The following DNM1L variants were observed in gnomAD, a reference collection of about 807,000 sequenced individuals.
DNM1L encodes dynamin-1-like protein.
A neutral mutation model predicts 92.8 loss-of-function variants in DNM1L; 33 were observed. That is an observed-to-expected ratio of 0.36 (90% CI 0.27 to 0.48). The LOEUF (loss-of-function observed/expected upper bound fraction) is 0.48, where lower values mean the gene tolerates loss of function less well. Among genes scored for constraint, DNM1L ranks in the 20% least tolerant of loss-of-function variants. The pLI is 0.99. For missense variants in DNM1L, 485 were observed against 888.8 expected, an observed-to-expected ratio of 0.55 and a Z score of 5.78; for synonymous variants, 284 against 305.0, an observed-to-expected ratio of 0.93 and a Z score of 0.72.
At chr12:32,720,434 C>G (rs1387347416) in intron 7 of DNM1L, among the ~76,000 whole-genome samples, 2 of 152,168 alleles carry the variant, frequency 1.3e-5, no homozygotes, top group Non-Finnish European at 2.9e-5. Context: ...TCACTTAGTT[C>G]AAGTCTTGGC....
At chr12:32,725,094 T>G (rs1268215606) in intron 9 of DNM1L, among the ~76,000 whole-genome samples, 1 of 152,136 alleles carries the variant, frequency 6.6e-6, no homozygotes, top group Non-Finnish European at 1.5e-5. Flanking sequence ...CTTCTTCTTT[T>G]TTTTTACACT....
chr12:32,712,429 T>G (rs1269213355), intron 5 of DNM1L, among the ~76,000 whole-genome samples: 2 of 152,114 alleles, frequency 1.3e-5, no homozygotes, highest in African/African-American at 4.8e-5. Flanking sequence ...GTCAGTTGTC[T>G]CAGTGAAGTT....
chr12:32,716,354 A>G (rs1953365648), intron 6 of DNM1L, among the ~76,000 whole-genome samples: 1 of 152,038 alleles, frequency 6.6e-6, no homozygotes, highest in South Asian at 2.1e-4. Context: ...TTGTTTATTG[A>G]GACAGGGTCT....
intron 6 of DNM1L, among the ~76,000 whole-genome samples, chr12:32,717,615 G>T (rs1271580021): frequency 2.0e-5 from 2 of 100,058 alleles, no homozygotes; most frequent in East Asian, 5.4e-4. Context: ...ATATACCTAG[G>T]TAGATATATA....
chr12:32,714,825 TA>T (rs71068333), intron 6 of DNM1L, among the ~76,000 whole-genome samples: 158 of 142,172 alleles, frequency 1.1e-3, no homozygotes, highest in African/African-American at 2.7e-3. Flanking sequence ...CCATCTCTAT[TA>T]AAAAAAAAAA....
At chr12:32,726,010 C>T (rs1314017609) in intron 9 of DNM1L, among the ~76,000 whole-genome samples, 2 of 151,506 alleles carry the variant, frequency 1.3e-5, no homozygotes, top group East Asian at 3.9e-4. Context: ...AGACTTAACC[C>T]TATTCAACAA....
chr12:32,729,435 G>A (rs1954394066), intron 9 of DNM1L, among the ~76,000 whole-genome samples: 1 of 152,002 alleles, frequency 6.6e-6, no homozygotes, highest in African/African-American at 2.4e-5. Flanking sequence ...TCCAGCCCTG[G>A]TAACCTCTAA....
chr12:32,720,844 G>A (rs765849314), intron 8 of DNM1L, 49 bp downstream of exon 8: 1 of 1,607,816 alleles, frequency 6.2e-7, no homozygotes, highest in African/African-American at 1.3e-5. Flanking sequence ...TTTACCAATT[G>A]GTGTCTGAGA....
chr12:32,707,159 AC>A, intron 2 of DNM1L: 3 of 482,254 alleles, frequency 6.2e-6, no homozygotes, highest in Admixed American at 7.6e-5. Context: ...TTTTTGAAAT[AC>A]ACCATACAAT....
At chr12:32,705,991 GT>G in intron 2 of DNM1L, 1 of 763,572 alleles carries the variant, frequency 1.3e-6, no homozygotes, top group Non-Finnish European at 1.9e-6. Context: ...TTGATTGCAG[GT>G]TTTAGTGGTT....
chr12:32,743,088 G>A (rs1456692405), intron 19 of DNM1L, among the ~76,000 whole-genome samples: 1 of 151,080 alleles, frequency 6.6e-6, no homozygotes, highest in African/African-American at 2.4e-5. Flanking sequence ...GTAGAGACGG[G>A]GTTTCACCAT....
chr12:32,731,084 C>G lies in DNM1L; in HGVS notation c.1150C>G (p.Leu384Val). 1 of 1,613,986 alleles carries G rather than the reference C, an allele frequency of 6.2e-7. No homozygotes were observed. The highest frequency in any genetic ancestry group is 8.5e-7 in the Non-Finnish European group (1 of 1,179,984). Residue 384 changes from leucine to valine, a missense_variant, in exon 10 of 20, where the codon CTT becomes GTT. This residue lies in a region of DNM1L where 19 missense variants were observed against 22.1 expected (regional missense o/e 0.86). Transcript: ENST00000549701. This position sits in a 1 kb window ranked among gnomAD's most constrained non-coding sequence, Gnocchi z 5.1. ...GCGAACCTTAGAATCTGTTGATCCACTTGGTGGCCTTAACACTATTGACAT... is the reference window on the plus strand; with the variant it reads ...GCGAACCTTAGAATCTGTTGATCCAGTTGGTGGCCTTAACACTATTGACAT... ...FGRTLESVDPLGGLNTIDILT... is the reference protein window; with the variant it reads ...FGRTLESVDPVGGLNTIDILT...
chr12:32,727,389 A>G (rs1954220199), intron 9 of DNM1L: 1 of 772,344 alleles, frequency 1.3e-6, no homozygotes, highest in Non-Finnish European at 2.4e-6. Context: ...AAGAACTCCA[A>G]ATATCAGTGG....
At chr12:32,736,963 TATG>T (rs1433472246) in intron 13 of DNM1L, 139 bp from the exon 14 acceptor site, 3 of 759,252 alleles carry the variant, frequency 4.0e-6, no homozygotes, top group Non-Finnish European at 6.4e-6. Context: ...TATTTTAAAA[TATG>T]ATAATTATGG....
intron 9 of DNM1L, among the ~76,000 whole-genome samples, chr12:32,730,661 C>T (rs777011453): frequency 6.6e-6 from 1 of 152,224 alleles, no homozygotes; most frequent in Non-Finnish European, 1.5e-5. Context: ...CCAACCTCTA[C>T]TTCAGATTGT....
In DNM1L at chr12:32,679,349, C is replaced by A. The variant is rs776969387; in HGVS notation, c.-15C>A. The A allele has an allele frequency of 2.9e-5, 46 of 1,603,760 alleles. No homozygotes were observed. The highest frequency in any genetic ancestry group is 1.0e-4 in the Admixed American group (6 of 59,730). On this transcript the variant is annotated 5_prime_UTR_variant, in exon 1 of 20. Transcript: ENST00000549701. Reference sequence around the variant, plus strand: ...CCGTGGCCGGCGGGCACTGGGGCCCCGTGTTTTCAGAGTCATGGAGGCGCT... The same window carrying A: ...CCGTGGCCGGCGGGCACTGGGGCCCAGTGTTTTCAGAGTCATGGAGGCGCT...
chr12:32,730,275 A>G (rs1471945303), intron 9 of DNM1L, among the ~76,000 whole-genome samples: 1 of 152,228 alleles, frequency 6.6e-6, no homozygotes, highest in Non-Finnish European at 1.5e-5. Flanking sequence ...GAGGCAGGAG[A>G]ATCGCTTGAA....
chr12:32,717,384 A>C (rs553830985), intron 6 of DNM1L, among the ~76,000 whole-genome samples: 1 of 65,264 alleles, frequency 1.5e-5, no homozygotes, highest in African/African-American at 6.8e-5. Context: ...ACTATATATA[A>C]TATATAGTAT....
At chr12:32,719,778 G>T (rs79949446) in intron 7 of DNM1L, among the ~76,000 whole-genome samples, 3,089 of 152,186 alleles carry the variant, frequency 0.02, 103 homozygotes, top group African/African-American at 0.071. Context: ...ATTTGCAAAT[G>T]GTATCTCTTG....
Sources: allele counts gnomAD v4.1 joint callset (sites outside exome capture counted in the v4.1 genomes callset), GRCh38; gene constraint gnomAD v4.1.1; regional missense constraint gnomAD v4.1.1; non-coding constraint Gnocchi (gnomAD v3.1); transcripts MANE v1.5; gene names NCBI Gene and HGNC (gene_info 2026-07-23, HGNC 2026-07-21).